The following RAB11FIP4 variants were observed in gnomAD, a reference collection of about 807,000 sequenced individuals.
RAB11FIP4 encodes the protein rab11 family-interacting protein 4.
In RAB11FIP4, 23 loss-of-function variants were observed where a neutral mutation model predicts 74.3. The observed-to-expected ratio is 0.31, with a 90% CI of 0.22 to 0.44. RAB11FIP4 has a LOEUF of 0.44. Among genes scored for constraint, RAB11FIP4 ranks in the 20% least tolerant of loss-of-function variants. The pLI is 1.00. For missense variants in RAB11FIP4, 630 were observed against 863.9 expected (o/e 0.73, Z 3.39); for synonymous variants, 360 against 359.9 (o/e 1.00, Z 0.00).
At chr17:31,474,060 C>T (rs190457416) in intron 3 of RAB11FIP4, among the ~76,000 whole-genome samples, 17 of 152,130 alleles carry the variant, frequency 1.1e-4, no homozygotes, top group Admixed American at 2.0e-4. Context: ...CTCCAGATGC[C>T]CCGGGGATCA....
rs1157176449 is a variant in RAB11FIP4, at chr17:31,403,332, T to TTTC, written c.159+11323_159+11324insCTT. On this transcript the variant is annotated intron_variant, in intron 1 of 14. Coordinates refer to ENST00000621161, the MANE Select transcript of RAB11FIP4 (RefSeq NM_032932.6). ...TTTGTATTTCTTTCTTTCTTTCTTTTTTTTTTTTGAGATGGAGTCTCGCTC... is the reference window on the plus strand; with the variant it reads ...TTTGTATTTCTTTCTTTCTTTCTTTTTTCTTTTTTTTGAGATGGAGTCTCGCTC... Among the ~76,000 whole-genome samples the TTTC allele has an allele frequency of 1.4e-4, 21 of 151,464 alleles. 1 individual carries two copies. The highest frequency in any genetic ancestry group is 3.9e-4 in the East Asian group (2 of 5,130).
intron 3 of RAB11FIP4, chr17:31,465,421 C>T (rs780091567): frequency 3.3e-5 from 5 of 151,580 alleles, no homozygotes; most frequent in Non-Finnish European, 5.9e-5. Flanking sequence ...CCCAGAGCTC[C>T]AGGCCTATGC....
chr17:31,511,698 G>A (rs28655504), intron 3 of RAB11FIP4, among the ~76,000 whole-genome samples: 9,728 of 152,264 alleles, frequency 0.064, 832 homozygotes, highest in East Asian at 0.21. Flanking sequence ...TGGGGGAGGT[G>A]GGGAGGGAGA....
At position 31,434,094 on chromosome 17, in the gene RAB11FIP4, C is replaced by T. The variant is rs1303907139; in HGVS notation, c.308C>T (p.Ala103Val). 7 of 1,585,156 alleles carry T rather than the reference C, an allele frequency of 4.4e-6. No individual in the cohort carries two copies. Among genetic ancestry groups the T allele is most frequent in the Non-Finnish European group, 6.0e-6 (7 of 1,173,488 alleles). ...GAGAGCGCGGGGACGCTGCCGTGCG[C>T]GCCAGAGATCCCAGACTGCGTGGAG... ...SVESAGTLPCAPEIPDCVEQG... is the reference protein window; with the variant it reads ...SVESAGTLPCVPEIPDCVEQG... The change falls in exon 3 of 15, where the codon GCG becomes GTG. Residue 103 changes from alanine (A) to valine (V), a missense_variant. Coordinates refer to ENST00000621161, the MANE Select transcript of RAB11FIP4 (RefSeq NM_032932.6).
chr17:31,476,381 C>T (rs1291765412), intron 3 of RAB11FIP4, among the ~76,000 whole-genome samples: 2 of 152,150 alleles, frequency 1.3e-5, no homozygotes, highest in Admixed American at 1.3e-4. Context: ...GACGGGATTT[C>T]ACCATGTTGG....
chr17:31,449,008 C>T (rs1458328374), intron 3 of RAB11FIP4, among the ~76,000 whole-genome samples: 1 of 152,144 alleles, frequency 6.6e-6, no homozygotes, highest in African/African-American at 2.4e-5. Context: ...CCTGAGGAGA[C>T]AGGTCCCCCA....
chr17:31,403,641 T>A (rs899658773), intron 1 of RAB11FIP4, among the ~76,000 whole-genome samples: 1 of 152,116 alleles, frequency 6.6e-6, no homozygotes, highest in Non-Finnish European at 1.5e-5. Flanking sequence ...TATTTCTTAA[T>A]CCCTTTCGTC....
chr17:31,417,410 C>T (rs2071158809), intron 1 of RAB11FIP4, among the ~76,000 whole-genome samples: 3 of 152,182 alleles, frequency 2.0e-5, no homozygotes, highest in Non-Finnish European at 4.4e-5. Context: ...TTTGTAGGCC[C>T]CTCTCACCCC....
chr17:31,461,970 A>G (rs1251758705), intron 3 of RAB11FIP4, among the ~76,000 whole-genome samples: 2 of 152,148 alleles, frequency 1.3e-5, no homozygotes, highest in Non-Finnish European at 2.9e-5. Flanking sequence ...GGAGCTTTAA[A>G]AACTAATGTG....
intron 3 of RAB11FIP4, among the ~76,000 whole-genome samples, chr17:31,513,726 CTG>C (rs1391497003): frequency 6.6e-6 from 1 of 152,206 alleles, no homozygotes; most frequent in Non-Finnish European, 1.5e-5. Flanking sequence ...GGACAAACAA[CTG>C]TGGGTTGAAT....
chr17:31,527,386 G>A (rs1037069554), intron 10 of RAB11FIP4: 38 of 155,706 alleles, frequency 2.4e-4, no homozygotes, highest in Admixed American at 2.6e-4. Context: ...GATCACATGA[G>A]GCCAGGAGTT....
Position 31,530,470 on chromosome 17 carries a change from G to T in RAB11FIP4, c.1797+1G>T, listed in dbSNP as rs1319559311. The T allele has an allele frequency of 1.2e-6, 2 of 1,611,106 alleles. No homozygotes were observed. Among genetic ancestry groups the T allele is most frequent in the Non-Finnish European group, 8.5e-7 (1 of 1,177,766 alleles). The stretch of plus-strand genomic sequence containing the variant: ...GATAGACACCGCCTCGCGCGATGAG[G>T]TAACCACACCACCGGCTCTTGCTTT... On this transcript the variant is annotated splice_donor_variant, in intron 14 of 14. Coordinates refer to ENST00000621161, the MANE Select transcript of RAB11FIP4 (RefSeq NM_032932.6). LOFTEE classifies it high-confidence loss of function.
In RAB11FIP4 at chr17:31,505,630, TATAATAATAATTA is replaced by T. The variant is rs2072328567; in HGVS notation, c.337-12020_337-12008del. Reference sequence around the variant, plus strand: ...AATAATTATATATAATATATAATTATATAATAATAATTATATATAATATATAATAATTATATAA... The same window carrying T: ...AATAATTATATATAATATATAATTATTATATAATATATAATAATTATATAA... On this transcript the variant is annotated intron_variant, in intron 3 of 14. Coordinates refer to ENST00000621161, the MANE Select transcript of RAB11FIP4 (RefSeq NM_032932.6). Among the ~76,000 whole-genome samples, 40 of 73,640 alleles carry T rather than the reference TATAATAATAATTA, an allele frequency of 5.4e-4. 1 individual carries two copies. Among genetic ancestry groups the T allele is most frequent in the African/African-American group, 1.7e-3 (37 of 22,384 alleles). The allele number at this position is 73,640 out of a possible 152,430, so 48.3% of individuals were successfully genotyped here. A position where few individuals can be genotyped will look rare whatever the true frequency, so the allele number is the denominator to read the frequency against.
intron 3 of RAB11FIP4, among the ~76,000 whole-genome samples, chr17:31,437,583 C>T (rs921039613): frequency 3.9e-5 from 6 of 152,198 alleles, no homozygotes; most frequent in African/African-American, 7.2e-5. Context: ...GATGGGATGG[C>T]AGGCGCTCCA....
At chr17:31,394,330 A>T (rs1428663350) in intron 1 of RAB11FIP4, among the ~76,000 whole-genome samples, 1 of 152,132 alleles carries the variant, frequency 6.6e-6, no homozygotes, top group African/African-American at 2.4e-5. Flanking sequence ...CCGGTAAATG[A>T]TCATGACTTT....
intron 7 of RAB11FIP4, 188 bp from the exon 8 acceptor site, chr17:31,523,324 A>G: frequency 1.6e-6 from 1 of 636,204 alleles, no homozygotes; most frequent in South Asian, 1.8e-5. Context: ...TGTACAGCCC[A>G]TTTGCCATCC....
At chr17:31,479,566 G>A (rs2071826900) in intron 3 of RAB11FIP4, among the ~76,000 whole-genome samples, 1 of 152,188 alleles carries the variant, frequency 6.6e-6, no homozygotes, top group African/African-American at 2.4e-5. Context: ...GGCCAATCCT[G>A]ACAATTCAGT....
chr17:31,522,819 G>A (rs768340897), intron 7 of RAB11FIP4: 5 of 192,116 alleles, frequency 2.6e-5, no homozygotes, highest in South Asian at 1.1e-4. Flanking sequence ...TAAGTCCTGC[G>A]GCAGTTCAGT....
intron 10 of RAB11FIP4, chr17:31,526,445 C>T (rs2072768667): frequency 6.6e-6 from 1 of 152,248 alleles, no homozygotes; most frequent in Non-Finnish European, 1.5e-5. Flanking sequence ...CCGCTTGGGG[C>T]CACCTGCTGG....
Sources: gnomAD v4.1 joint callset for allele counts (sites outside exome capture counted in the v4.1 genomes callset) on GRCh38, gnomAD v4.1.1 for gene constraint, MANE v1.5 for transcripts, NCBI Gene and HGNC (gene_info 2026-07-23, HGNC 2026-07-21) for gene names.